TSHZ2: variants seen among roughly 807,000 people sequenced by gnomAD.
TSHZ2 encodes teashirt homolog 2.
Under a neutral mutation model 74.4 loss-of-function variants are expected in TSHZ2, and 21 were observed. The ratio of observed to expected loss-of-function variants is 0.28; its 90% CI spans 0.20 to 0.41. The LOEUF (loss-of-function observed/expected upper bound fraction) is 0.41, where lower values mean the gene tolerates loss of function less well. TSHZ2 is among the 10% of genes least tolerant of loss of function. The pLI is 1.00. For missense variants in TSHZ2, 1,244 were observed against 1,293.5 expected, an observed-to-expected ratio of 0.96 and a Z score of 0.59; for synonymous variants, 540 against 515.3, an observed-to-expected ratio of 1.05 and a Z score of -0.65.
chr20:53,003,238 TG>T (rs1031452538), intron 1 of TSHZ2, among the ~76,000 whole-genome samples: 11 of 149,970 alleles, frequency 7.3e-5, no homozygotes, highest in African/African-American at 2.2e-4. Context: ...ATCAGCCTCC[TG>T]TTTTTCTCCA....
At chr20:53,248,296 C>A (rs1990252369) in intron 1 of TSHZ2, among the ~76,000 whole-genome samples, 1 of 151,616 alleles carries the variant, frequency 6.6e-6, no homozygotes, top group African/African-American at 2.4e-5. Context: ...TGGTCTCCAA[C>A]TCCTGGGCTC....
rs144328381 is a variant in TSHZ2, at chr20:53,326,161, G to C, written c.*8+69590G>C. ...TTTCTCGGCTTTATGCTTTGAGAAT[G>C]GGAGAGAGGACTGTGCTTGTCACAA... On this transcript the variant is annotated intron_variant, in intron 2 of 2. Coordinates refer to ENST00000371497, the MANE Select transcript of TSHZ2 (RefSeq NM_173485.6). Among the ~76,000 whole-genome samples, 5 of 152,332 alleles carry C rather than the reference G, an allele frequency of 3.3e-5. No individual in the cohort carries two copies. The East Asian group carries it at 9.6e-4, about 29-fold the overall frequency.
intron 2 of TSHZ2, among the ~76,000 whole-genome samples, chr20:53,429,000 T>A (rs1356012545): frequency 1.3e-5 from 2 of 152,228 alleles, no homozygotes; most frequent in Non-Finnish European, 2.9e-5. Context: ...GAAAATCAGA[T>A]GATTCTACAG....
chr20:53,128,142 A>G (rs1012085642), intron 1 of TSHZ2, among the ~76,000 whole-genome samples: 4 of 151,426 alleles, frequency 2.6e-5, no homozygotes, highest in African/African-American at 9.7e-5. Flanking sequence ...CTATGTGGTC[A>G]AAGAACTGAG....
rs1363496454 is a variant in TSHZ2, at chr20:53,156,181, T to C, written c.41-97318T>C. 2.0e-5 allele frequency among the ~76,000 whole-genome samples: 3 copies of C among 152,166 alleles called. No homozygotes were observed. In the East Asian group the frequency reaches 5.8e-4, roughly 29 times the overall value. ...TGTTCTTGCACTCTAAATTTCATCA[T>C]GGTAATGTTTCTTTTTACCCATATC... is the stretch of plus-strand genomic sequence containing the variant. On this transcript the variant is annotated intron_variant, in intron 1 of 2. Coordinates refer to ENST00000371497, the MANE Select transcript of TSHZ2 (RefSeq NM_173485.6).
At chr20:53,472,352 T>A (rs6022508) in intron 2 of TSHZ2, among the ~76,000 whole-genome samples, 30,674 of 152,036 alleles carry the variant, frequency 0.2, 3,279 homozygotes, top group East Asian at 0.29. Context: ...AGCCATTGGA[T>A]GCGAGGGAGG....
At chr20:53,174,954 A>G (rs1200324165) in intron 1 of TSHZ2, among the ~76,000 whole-genome samples, 1 of 152,106 alleles carries the variant, frequency 6.6e-6, no homozygotes, top group Non-Finnish European at 1.5e-5. Context: ...GAGGGTCTGA[A>G]TAAATAATCT....
At chr20:53,284,830 G>A (rs1453050975) in intron 2 of TSHZ2, among the ~76,000 whole-genome samples, 12 of 150,522 alleles carry the variant, frequency 8.0e-5, no homozygotes. Flanking sequence ...AACGATTAAT[G>A]TCAGCAACTC....
Position 53,017,438 on chromosome 20 carries a change from A to AT in TSHZ2, c.40+44113dup, listed in dbSNP as rs1379456823. Among the ~76,000 whole-genome samples the AT allele has an allele frequency of 2.6e-5, 4 of 151,982 alleles. No homozygotes were observed. The East Asian group carries it at 7.7e-4, about 29-fold the overall frequency. ...GATTTTACATAGCATACGGGCCAACATTTTTTTTCTTTAACAGTTGATATG... is the reference window on the plus strand; with the variant it reads ...GATTTTACATAGCATACGGGCCAACATTTTTTTTTCTTTAACAGTTGATATG... On this transcript the variant is annotated intron_variant, in intron 1 of 2. Transcript: ENST00000371497.
intron 1 of TSHZ2, among the ~76,000 whole-genome samples, chr20:53,228,772 C>T (rs1269403647): frequency 6.6e-6 from 1 of 151,530 alleles, no homozygotes; most frequent in African/African-American, 2.4e-5. Flanking sequence ...CCAGTGGCAC[C>T]ACCTCCCGAG....
chr20:52,976,631 A>G (rs541875500), intron 1 of TSHZ2, among the ~76,000 whole-genome samples: 1 of 152,218 alleles, frequency 6.6e-6, no homozygotes, highest in Non-Finnish European at 1.5e-5. Flanking sequence ...GTAGACTTAG[A>G]ATCTAACTCT....
chr20:53,410,555 G>A (rs1983015863), intron 2 of TSHZ2, among the ~76,000 whole-genome samples: 1 of 150,884 alleles, frequency 6.6e-6, no homozygotes, highest in African/African-American at 2.4e-5. Flanking sequence ...AACAACCTAA[G>A]AAGAAGTTTG....
At chr20:53,276,784 G>T (rs1210482462) in intron 2 of TSHZ2, among the ~76,000 whole-genome samples, 1 of 152,168 alleles carries the variant, frequency 6.6e-6, no homozygotes, top group African/African-American at 2.4e-5. Flanking sequence ...GATACCAGTG[G>T]TGTTGGTCCG....
chr20:53,465,160 G>A (rs1352101340), intron 2 of TSHZ2, among the ~76,000 whole-genome samples: 3 of 152,110 alleles, frequency 2.0e-5, no homozygotes, highest in Admixed American at 6.5e-5. Context: ...TTAACCTCCC[G>A]AAACTTCATC....
chr20:53,123,354 A>G (rs1308292303), intron 1 of TSHZ2, among the ~76,000 whole-genome samples: 1 of 152,084 alleles, frequency 6.6e-6, no homozygotes, highest in African/African-American at 2.4e-5. Flanking sequence ...TCTTCAATAA[A>G]CGTATGATCA....
chr20:53,305,908 G>A lies in TSHZ2; in HGVS notation c.*8+49337G>A, dbSNP rs73620441. On this transcript the variant is annotated intron_variant, in intron 2 of 2. Transcript: ENST00000371497. ...CAGGAGAATTGCTTGAACCCGGGAG[G>A]CGGAGGCTGCAGTGAGCTGAGATAG... Among the ~76,000 whole-genome samples the A allele has an allele frequency of 3.1e-3, 470 of 151,996 alleles. 14 individuals carry two copies. The East Asian group carries it at 0.064, about 21-fold the overall frequency.
At chr20:53,334,388 G>A (rs550000543) in intron 2 of TSHZ2, among the ~76,000 whole-genome samples, 1 of 152,296 alleles carries the variant, frequency 6.6e-6, no homozygotes, top group East Asian at 1.9e-4. Flanking sequence ...TGGGGAAGGA[G>A]CATTCTAAGT....
intron 1 of TSHZ2, among the ~76,000 whole-genome samples, chr20:53,104,375 G>A (rs1252857230): frequency 1.3e-5 from 2 of 152,164 alleles, no homozygotes; most frequent in African/African-American, 4.8e-5. Context: ...CATTTAGGCT[G>A]CTTAAGAGCA....
chr20:53,403,694 C>T (rs894202076), intron 2 of TSHZ2, among the ~76,000 whole-genome samples: 3 of 152,128 alleles, frequency 2.0e-5, no homozygotes, highest in South Asian at 4.1e-4. Flanking sequence ...TGAGAGCTGT[C>T]GAATGAGAGA....
Sources: allele counts gnomAD v4.1 joint callset (sites outside exome capture counted in the v4.1 genomes callset), GRCh38; gene constraint gnomAD v4.1.1; transcripts MANE v1.5; gene names NCBI Gene and HGNC (gene_info 2026-07-23, HGNC 2026-07-21).